Variants in FNBP1 observed in about 807,000 individuals in gnomAD.
FNBP1 encodes formin-binding protein 1.
Under a neutral mutation model 90.6 loss-of-function variants are expected in FNBP1, and 26 were observed. The observed-to-expected ratio is 0.29, with a 90% confidence interval of 0.21 to 0.40. The LOEUF is 0.40. Ranked by LOEUF, FNBP1 falls within the 10% of genes least tolerant of loss-of-function variation. The pLI is 1.00. For synonymous variants in FNBP1, 260 were observed against 265.2 expected, an observed-to-expected ratio of 0.98 and a Z score of 0.19; for missense variants, 635 against 768.0, an observed-to-expected ratio of 0.83 and a Z score of 2.05.
chr9:130,013,093 T>C lies in FNBP1; in HGVS notation c.25-18135A>G, dbSNP rs553603575. Among the ~76,000 whole-genome samples the C allele has an allele frequency of 1.4e-4, 21 of 152,284 alleles. No individual in the cohort carries two copies. In the South Asian group the frequency reaches 4.1e-3, roughly 30 times the overall value. On this transcript the variant is annotated intron_variant, in intron 1 of 16. Coordinates refer to ENST00000446176, the MANE Select transcript of FNBP1 (RefSeq NM_015033.3). ...TGGGAGAAGATATTTGTAACACATA[T>C]GATCAACAGAGAATTGGTATCTAGA...
chr9:129,972,120 A>G (rs2049545272), intron 4 of FNBP1, among the ~76,000 whole-genome samples: 1 of 152,080 alleles, frequency 6.6e-6, no homozygotes, highest in Non-Finnish European at 1.5e-5. Context: ...GCCATCAACC[A>G]ATTCCACATT....
intron 12 of FNBP1, among the ~76,000 whole-genome samples, chr9:129,906,030 T>C (rs565783534): frequency 6.6e-6 from 1 of 152,010 alleles, no homozygotes; most frequent in South Asian, 2.1e-4. Context: ...ATTACAGACA[T>C]GCGCCACCAC....
At chr9:129,959,453 G>C (rs1054966674) in intron 4 of FNBP1, among the ~76,000 whole-genome samples, 2 of 152,034 alleles carry the variant, frequency 1.3e-5, no homozygotes, top group Admixed American at 6.6e-5. Context: ...GCCAGGCGTG[G>C]TGGTGCGTGC....
chr9:129,955,898 C>G (rs932300197), intron 6 of FNBP1, among the ~76,000 whole-genome samples: 1 of 151,480 alleles, frequency 6.6e-6, no homozygotes, highest in African/African-American at 2.4e-5. Context: ...TTGCCTCATT[C>G]AACATAAAAT....
At chr9:129,938,963 T>A (rs192845835) in intron 6 of FNBP1, among the ~76,000 whole-genome samples, 1 of 152,070 alleles carries the variant, frequency 6.6e-6, no homozygotes, top group African/African-American at 2.4e-5. Context: ...TTTTTCATTA[T>A]GGTAGGTTTG....
chr9:129,973,904 A>G lies in FNBP1; in HGVS notation c.345+4561T>C, dbSNP rs568052616. ...CAGCTCACTGCAACCTCCGCCTCCCAGGTTCGAGCAATTCTTGTACCTCAG... is the reference window on the plus strand; with the variant it reads ...CAGCTCACTGCAACCTCCGCCTCCCGGGTTCGAGCAATTCTTGTACCTCAG... On this transcript the variant is annotated intron_variant, in intron 4 of 16. Coordinates refer to ENST00000446176, the MANE Select transcript of FNBP1 (RefSeq NM_015033.3). Among the ~76,000 whole-genome samples the G allele has an allele frequency of 4.7e-5, 7 of 150,298 alleles. 2 individuals are homozygous for G. The highest frequency in any genetic ancestry group is 1.7e-4 in the African/African-American group (7 of 40,744).
chr9:130,032,456 C>T (rs2058889454), intron 1 of FNBP1, among the ~76,000 whole-genome samples: 1 of 152,140 alleles, frequency 6.6e-6, no homozygotes, highest in Non-Finnish European at 1.5e-5. Flanking sequence ...CAGGTATGAG[C>T]CACCGTGCCT....
At position 129,888,899 on chromosome 9, in the gene FNBP1, A is replaced by G. The variant is rs2034894343; in HGVS notation, c.*1640T>C. The G allele has an allele frequency of 4.3e-6, 1 of 232,094 alleles. No homozygotes were observed. Among genetic ancestry groups the G allele is most frequent in the Admixed American group, 5.6e-5 (1 of 17,732 alleles). 14.4% of individuals were successfully genotyped at this position (232,094 alleles called of 1,614,324 possible). ...TCCTTGTCTTAGATTCATAAACAGC[A>G]AGAGGAACTGAGGATGCTTGAGGGG... On this transcript the variant is annotated 3_prime_UTR_variant, in exon 17 of 17. Transcript: ENST00000446176.
chr9:129,987,922 A>C (rs2052549963), intron 2 of FNBP1, among the ~76,000 whole-genome samples: 1 of 152,098 alleles, frequency 6.6e-6, no homozygotes, highest in African/African-American at 2.4e-5. Context: ...TTGTTGTATA[A>C]TATGATTTCT....
rs759041250 is a variant in FNBP1 at position 129,900,042 on chromosome 9, G to A, written c.1610C>T (p.Thr537Met). ...ATCATCAAACTCGTCGTCAAAATCC[G>A]TGGCCAGCACCTTCATCTCACTCTC... ...SQESEMKVLA[T>M]DFDDEFDDEE... The change falls in exon 15 of 17, where the codon ACG becomes ATG. Residue 537 changes from threonine to methionine, a missense_variant. Transcript: ENST00000446176. This position sits in a 1 kb window ranked among gnomAD's most constrained non-coding sequence, Gnocchi z 4.1. 1.7e-5 allele frequency: 28 copies of A among 1,613,354 alleles called. No homozygotes were observed. The African/African-American group carries it at 1.9e-4, about 11-fold the overall frequency.
chr9:129,981,278 G>A (rs1193831022), intron 2 of FNBP1, among the ~76,000 whole-genome samples: 3 of 151,908 alleles, frequency 2.0e-5, no homozygotes, highest in East Asian at 3.9e-4. Flanking sequence ...TAGTAGAGAC[G>A]GGGTTTCACC....
At chr9:129,961,812 C>G (rs1176488491) in intron 4 of FNBP1, among the ~76,000 whole-genome samples, 2 of 152,124 alleles carry the variant, frequency 1.3e-5, no homozygotes, top group African/African-American at 4.8e-5. Flanking sequence ...TCTCGAACTC[C>G]CGGCCTCAAG....
chr9:129,916,018 G>A (rs550897976), intron 10 of FNBP1, 38 bp from the exon 11 acceptor site: 9 of 1,469,232 alleles, frequency 6.1e-6, no homozygotes, highest in Admixed American at 3.5e-5. Context: ...GAAAAATAGA[G>A]AGAAAGAGAG....
At chr9:129,949,589 C>T (rs905931957) in intron 6 of FNBP1, among the ~76,000 whole-genome samples, 3 of 152,134 alleles carry the variant, frequency 2.0e-5, no homozygotes, top group Non-Finnish European at 2.9e-5. Context: ...TGGCCAGGCA[C>T]ATTGGCTCAC....
intron 2 of FNBP1, among the ~76,000 whole-genome samples, chr9:129,984,566 T>C (rs189105301): frequency 2.0e-5 from 3 of 152,084 alleles, no homozygotes; most frequent in Non-Finnish European, 4.4e-5. Flanking sequence ...GAGGTCCACT[T>C]TCCAGACCTC....
intron 11 of FNBP1, among the ~76,000 whole-genome samples, chr9:129,911,153 T>C (rs867897905): frequency 3.9e-5 from 6 of 152,306 alleles, no homozygotes; most frequent in Non-Finnish European, 5.9e-5. Context: ...TGAGCCACCA[T>C]GCGCGGCCTC....
intron 6 of FNBP1, among the ~76,000 whole-genome samples, chr9:129,952,311 C>T (rs1404640478): frequency 1.3e-5 from 2 of 151,758 alleles, no homozygotes; most frequent in Non-Finnish European, 2.9e-5. Context: ...ACCAGCCTGG[C>T]AATATGGTGA....
intron 6 of FNBP1, among the ~76,000 whole-genome samples, chr9:129,953,524 T>A (rs1448565630): frequency 6.6e-6 from 1 of 151,308 alleles, no homozygotes; most frequent in East Asian, 1.9e-4. Context: ...TAAATAAATA[T>A]CTGTAACAAA....
intron 1 of FNBP1, chr9:130,013,909 C>G (rs1396095857): frequency 4.5e-6 from 2 of 440,004 alleles, no homozygotes; most frequent in Non-Finnish European, 9.1e-6. Flanking sequence ...GTGCCAGCAC[C>G]ATATTCTTGG....
Sources: gnomAD v4.1 joint callset for allele counts (sites outside exome capture counted in the v4.1 genomes callset) on GRCh38, gnomAD v4.1.1 for gene constraint, Gnocchi (gnomAD v3.1) non-coding constraint, MANE v1.5 for transcripts, NCBI Gene and HGNC (gene_info 2026-07-23, HGNC 2026-07-21) for gene names.